Variants in KCNMA1 observed in about 807,000 individuals in gnomAD.
KCNMA1 encodes the protein potassium calcium-activated channel subfamily M alpha 1.
A neutral mutation model predicts 140.0 loss-of-function variants in KCNMA1; 29 were observed. The ratio of observed to expected loss-of-function variants is 0.21; its 90% CI spans 0.15 to 0.28. The LOEUF is 0.28. KCNMA1 is among the 10% of genes least tolerant of loss of function. The pLI, the probability that KCNMA1 is intolerant of heterozygous loss-of-function variation, is 1.00. For missense variants in KCNMA1, 880 were observed against 1,602.2 expected (o/e 0.55, Z 7.70); for synonymous variants, 612 against 611.9 (o/e 1.00, Z 0.00).
At chr10:77,085,017 T>G (rs1316713384) in intron 11 of KCNMA1, among the ~76,000 whole-genome samples, 2 of 152,176 alleles carry the variant, frequency 1.3e-5, no homozygotes, top group Non-Finnish European at 2.9e-5. Context: ...TAACAATTAA[T>G]TAAGCCTTTC....
chr10:77,625,030 T>C (rs1350364754), intron 1 of KCNMA1, among the ~76,000 whole-genome samples: 1 of 151,824 alleles, frequency 6.6e-6, no homozygotes, highest in Non-Finnish European at 1.5e-5. Flanking sequence ...GAGGGGGAAT[T>C]TGGAGGAATG....
rs1174147634 is a variant in KCNMA1 at position 76,944,889 on chromosome 10, T to C, written c.2786A>G (p.Asn929Ser). ...CGAAGTATCATCAATATTATTCTGA[T>C]TGGCTGACAGGATAACGCACATGTC... ...LCDMCVILSANQNNIDDTSLQ... is the reference protein window; with the variant it reads ...LCDMCVILSASQNNIDDTSLQ... Residue 929 changes from asparagine (N) to serine (S), a missense_variant, in exon 23 of 28, where the codon AAT (asparagine) becomes AGT (serine). Physicochemically the swap from Asn to Ser is conservative, Grantham distance 46 (BLOSUM62 1). Transcript: ENST00000286628. 1 of 1,614,002 alleles carries C rather than the reference T, an allele frequency of 6.2e-7. No individual in the cohort carries two copies. The highest frequency in any genetic ancestry group is 1.7e-5 in the Admixed American group (1 of 60,016).
chr10:76,884,818 A>T, downstream of KCNMA1: 2 of 1,051,898 alleles, frequency 1.9e-6, no homozygotes, highest in Non-Finnish European at 1.3e-6. Flanking sequence ...AAGCAAAACA[A>T]AATAAATAAA....
At chr10:77,504,116 C>A (rs1167416372) in intron 1 of KCNMA1, among the ~76,000 whole-genome samples, 1 of 152,168 alleles carries the variant, frequency 6.6e-6, no homozygotes, top group African/African-American at 2.4e-5. Context: ...TCTTGGTTAT[C>A]TGCCTGCCTG....
At chr10:77,334,852 A>T (rs1016271213) in intron 2 of KCNMA1, among the ~76,000 whole-genome samples, 1 of 152,228 alleles carries the variant, frequency 6.6e-6, no homozygotes, top group African/African-American at 2.4e-5. Flanking sequence ...AACCCAATAT[A>T]TGTAATATAT....
chr10:77,129,524 A>AT (rs2097807754), intron 5 of KCNMA1, among the ~76,000 whole-genome samples: 1 of 152,200 alleles, frequency 6.6e-6, no homozygotes, highest in African/African-American at 2.4e-5. Context: ...ATTTAAATCA[A>AT]TTTTAAAGAA....
At chr10:77,577,111 T>TTCC (rs2074409384) in intron 1 of KCNMA1, among the ~76,000 whole-genome samples, 1 of 151,816 alleles carries the variant, frequency 6.6e-6, no homozygotes. Flanking sequence ...TTTTTTTTCT[T>TTCC]TCCTCGGCTC....
chr10:77,551,033 T>C (rs1025807265), intron 1 of KCNMA1, among the ~76,000 whole-genome samples: 11 of 152,172 alleles, frequency 7.2e-5, no homozygotes, highest in African/African-American at 2.4e-4. Flanking sequence ...GGTCTTGCTA[T>C]GTTGCCCAGG....
intron 21 of KCNMA1, chr10:76,952,276 T>G (rs897351057): frequency 2.7e-5 from 32 of 1,169,562 alleles, no homozygotes; most frequent in Non-Finnish European, 3.5e-5. Context: ...ATCCCAGCAC[T>G]TTGGGAGGCC....
At chr10:77,348,561 C>CTATT (rs1050063773) in intron 2 of KCNMA1, among the ~76,000 whole-genome samples, 2 of 152,188 alleles carry the variant, frequency 1.3e-5, no homozygotes, top group African/African-American at 4.8e-5. Context: ...CTGCTGGAAT[C>CTATT]AATAGTCTTT....
chr10:77,445,164 C>T (rs2097500213), intron 1 of KCNMA1, among the ~76,000 whole-genome samples: 1 of 152,046 alleles, frequency 6.6e-6, no homozygotes, highest in Non-Finnish European at 1.5e-5. Context: ...AGGGAAGCCA[C>T]AGGAAAAAAA....
chr10:76,934,796 A>G (rs540818320), intron 23 of KCNMA1, among the ~76,000 whole-genome samples: 7 of 152,330 alleles, frequency 4.6e-5, no homozygotes, highest in African/African-American at 1.7e-4. Flanking sequence ...TTTCCCCACT[A>G]TAAGACAATT....
At chr10:77,030,096 G>A (rs2093814435) in intron 15 of KCNMA1, among the ~76,000 whole-genome samples, 1 of 152,224 alleles carries the variant, frequency 6.6e-6, no homozygotes, top group African/African-American at 2.4e-5. Flanking sequence ...ATGTGAGGTT[G>A]TGGTCCACAG....
intron 1 of KCNMA1, among the ~76,000 whole-genome samples, chr10:77,477,980 C>A (rs1201056312): frequency 6.6e-6 from 1 of 152,190 alleles, no homozygotes; most frequent in African/African-American, 2.4e-5. Context: ...CACTGCCACA[C>A]AAAATCACCC....
At position 77,153,017 on chromosome 10, in the gene KCNMA1, T is replaced by G. The variant is rs376291991; in HGVS notation, c.808+30404A>C. ...GCCATGCATCAGGTAGAATACAGTC[T>G]CAAGGGCATCTTGAGACCTTATAGA... is the stretch of plus-strand genomic sequence containing the variant. On this transcript the variant is annotated intron_variant, in intron 5 of 27. Transcript: ENST00000286628. 1.4e-4 allele frequency among the ~76,000 whole-genome samples: 21 copies of G among 152,282 alleles called. No homozygotes were observed. The East Asian group carries it at 3.3e-3, about 24-fold the overall frequency.
intron 2 of KCNMA1, among the ~76,000 whole-genome samples, chr10:77,331,037 C>T (rs1454383266): frequency 6.6e-6 from 1 of 152,112 alleles, no homozygotes; most frequent in Non-Finnish European, 1.5e-5. Flanking sequence ...CACACGGAAT[C>T]TAAACTAAGG....
chr10:76,955,864 T>G (rs4980118), intron 20 of KCNMA1, among the ~76,000 whole-genome samples: 2 of 151,968 alleles, frequency 1.3e-5, no homozygotes, highest in Non-Finnish European at 1.5e-5. Flanking sequence ...TTCCAGCCCA[T>G]GAAGAACATA....
intron 18 of KCNMA1, among the ~76,000 whole-genome samples, chr10:77,004,775 G>C (rs1379242196): frequency 6.6e-6 from 1 of 152,028 alleles, no homozygotes; most frequent in Non-Finnish European, 1.5e-5. Flanking sequence ...CTTCAATTTT[G>C]TTACAGTGAA....
At chr10:77,470,011 C>T (rs1192233307) in intron 1 of KCNMA1, among the ~76,000 whole-genome samples, 1 of 152,020 alleles carries the variant, frequency 6.6e-6, no homozygotes, top group Admixed American at 6.5e-5. Context: ...CCTAACAATG[C>T]TGCCAAGATT....
Sources: gnomAD v4.1 joint callset for allele counts (sites outside exome capture counted in the v4.1 genomes callset) on GRCh38, gnomAD v4.1.1 for gene constraint, MANE v1.5 for transcripts, NCBI Gene and HGNC (gene_info 2026-07-23, HGNC 2026-07-21) for gene names.